DNAJB1: variants seen among roughly 807,000 people sequenced by gnomAD.
DNAJB1 encodes DnaJ heat shock protein family (Hsp40) member B1.
A neutral mutation model predicts 24.0 loss-of-function variants in DNAJB1; 14 were observed. The observed-to-expected ratio is 0.58, with a 90% CI of 0.39 to 0.91. DNAJB1 has a LOEUF of 0.91. Ranked by LOEUF, DNAJB1 falls within the 40% of genes least tolerant of loss-of-function variation. The probability of loss-of-function intolerance (pLI) is 0.00; values close to 1 mark genes in which losing one functional copy is unlikely to be tolerated. For missense variants in DNAJB1, 517 were observed against 458.1 expected, an observed-to-expected ratio of 1.13 and a Z score of -1.17; for synonymous variants, 262 against 174.4, an observed-to-expected ratio of 1.50 and a Z score of -3.96.
At chr19:14,541,232 C>G (rs1006969491) in intron 1 of DNAJB1, among the ~76,000 whole-genome samples, 5 of 152,230 alleles carry the variant, frequency 3.3e-5, no homozygotes, top group African/African-American at 1.2e-4. Context: ...CTGCCTCAGC[C>G]TCCCAAAGCT....
At chr19:14,547,323 C>T (rs1045149359) in intron 1 of DNAJB1, among the ~76,000 whole-genome samples, 1 of 151,622 alleles carries the variant, frequency 6.6e-6, no homozygotes, top group Non-Finnish European at 1.5e-5. Context: ...TAGTTACAGG[C>T]GTGAGCCACC....
chr19:14,558,692 T>TG (rs2073817009), intron 1 of DNAJB1, among the ~76,000 whole-genome samples: 1 of 152,170 alleles, frequency 6.6e-6, no homozygotes, highest in South Asian at 2.1e-4. Context: ...TGGCCAGTGC[T>TG]GGGACCTCGC....
intron 2 of DNAJB1, among the ~76,000 whole-genome samples, chr19:14,523,589 AG>A (rs773658680): frequency 4.3e-4 from 64 of 148,486 alleles, no homozygotes; most frequent in South Asian, 6.4e-4. Flanking sequence ...TGGGATTACA[AG>A]GGTTGAACCC....
At position 14,517,034 on chromosome 19, in the gene DNAJB1, C is replaced by T. The variant is rs1355201022; in HGVS notation, c.224G>A (p.Ser75Asn). The change falls in exon 2 of 3, where the codon AGT (serine) becomes AAT (asparagine). Residue 75 changes from serine to asparagine, a missense_variant. Transcript: ENST00000254322. The part of the protein sequence containing the change: ...DRYGEEGLKG[S>N]GPSGGSGGGA... ...ACCGCCGCTACCGCCACTGGGGCCACTCCCCTTTAGGCCTGAAAAGCAGAT... is the reference window on the plus strand; with the variant it reads ...ACCGCCGCTACCGCCACTGGGGCCATTCCCCTTTAGGCCTGAAAAGCAGAT... 11 of 1,609,400 alleles carry T rather than the reference C, an allele frequency of 6.8e-6. No homozygotes were observed. The highest frequency in any genetic ancestry group is 1.6e-4 in the Middle Eastern group (1 of 6,066).
In DNAJB1 at chr19:14,518,376, G is replaced by C; in HGVS notation, c.-27C>G. 2.0e-6 allele frequency: 3 copies of C among 1,525,846 alleles called. No homozygotes were observed. Among genetic ancestry groups the C allele is most frequent in the Non-Finnish European group, 2.6e-6 (3 of 1,146,666 alleles). 94.5% of individuals were successfully genotyped at this position (1,525,846 alleles called of 1,614,324 possible). ...ACCCCCTCCTGCGGCCCGCCGACCC[G>C]CTGTCGCCGTCCCCCGGCTCCGCCG... On this transcript the variant is annotated 5_prime_UTR_variant, in exon 1 of 3. Coordinates refer to ENST00000254322, the MANE Select transcript of DNAJB1 (RefSeq NM_006145.3).
At chr19:14,557,640 CG>C (rs1568422778) in intron 1 of DNAJB1, among the ~76,000 whole-genome samples, 1 of 150,974 alleles carries the variant, frequency 6.6e-6, no homozygotes, top group African/African-American at 2.4e-5. Context: ...TTGGTAGAGA[CG>C]GGGTTTCGCC....
chr19:14,543,163 C>T (rs1425508175), intron 1 of DNAJB1, among the ~76,000 whole-genome samples: 1 of 150,384 alleles, frequency 6.6e-6, no homozygotes, highest in East Asian at 2.0e-4. Context: ...GCTGAGCCTC[C>T]AGGCTCCTTG....
chr19:14,524,388 TG>T (rs2072394594), intron 2 of DNAJB1, among the ~76,000 whole-genome samples: 1 of 151,876 alleles, frequency 6.6e-6, no homozygotes, highest in South Asian at 2.1e-4. Context: ...AGAAATAAGC[TG>T]GGCATGGTGG....
rs556020113 is a variant in DNAJB1, at chr19:14,526,490, A to G, written c.-90+1236T>C. 8.5e-5 allele frequency among the ~76,000 whole-genome samples: 13 copies of G among 152,264 alleles called. No individual in the cohort carries two copies. The South Asian group carries it at 2.7e-3, about 32-fold the overall frequency. On this transcript the variant is annotated intron_variant, in intron 2 of 3. Coordinates refer to the DNAJB1 transcript ENST00000396969. ...CAACACCCCTCAAAAACAAAGAGGA[A>G]TTCTACTTTGGAGGCTGGATCTTGC... is the stretch of plus-strand genomic sequence containing the variant.
chr19:14,551,590 G>A (rs2073507793), upstream of DNAJB1, among the ~76,000 whole-genome samples: 1 of 152,124 alleles, frequency 6.6e-6, no homozygotes, highest in South Asian at 2.1e-4. Context: ...AGGCCCATTG[G>A]CTGTCTTAGC....
At chr19:14,550,096 A>G (rs950981896) in intron 1 of DNAJB1, among the ~76,000 whole-genome samples, 9 of 151,978 alleles carry the variant, frequency 5.9e-5, no homozygotes, top group Non-Finnish European at 8.8e-5. Flanking sequence ...CTTTGCCAAG[A>G]TGTGAGTTCC....
At chr19:14,534,726 C>T (rs183673471), upstream of DNAJB1, among the ~76,000 whole-genome samples, 11 of 152,166 alleles carry the variant, frequency 7.2e-5, no homozygotes, top group East Asian at 1.9e-4. Flanking sequence ...TGTGAGCCAC[C>T]GCACCTTGCC....
At chr19:14,521,288 G>C (rs760930925), upstream of DNAJB1, among the ~76,000 whole-genome samples, 14 of 151,746 alleles carry the variant, frequency 9.2e-5, no homozygotes, top group Non-Finnish European at 1.8e-4. Context: ...GTGAAACCCC[G>C]TCTCTACTAA....
At chr19:14,549,211 CTT>C (rs561284094) in intron 1 of DNAJB1, among the ~76,000 whole-genome samples, 3 of 111,150 alleles carry the variant, frequency 2.7e-5, no homozygotes, top group Non-Finnish European at 1.8e-5. Context: ...TTTAATTGGA[CTT>C]TTTTTTTTTT....
At chr19:14,522,269 C>T (rs2072368735), upstream of DNAJB1, among the ~76,000 whole-genome samples, 1 of 151,904 alleles carries the variant, frequency 6.6e-6, no homozygotes, top group Non-Finnish European at 1.5e-5. Context: ...AGGACATGAC[C>T]CTCAAGGATG....
intron 1 of DNAJB1, among the ~76,000 whole-genome samples, chr19:14,545,556 C>T (rs547896144): frequency 6.6e-6 from 1 of 152,330 alleles, no homozygotes; most frequent in East Asian, 1.9e-4. Flanking sequence ...CATATCCCGG[C>T]CCTTGGATCG....
chr19:14,532,009 G>GAAAAA (rs58672365), upstream of DNAJB1: 1 of 62,352 alleles, frequency 1.6e-5, no homozygotes, highest in Non-Finnish European at 3.6e-5. Flanking sequence ...CCTGTTTGAA[G>GAAAAA]AAAAAAAAAA....
intron 1 of DNAJB1, among the ~76,000 whole-genome samples, chr19:14,539,205 A>G (rs1274024357): frequency 7.5e-6 from 1 of 133,392 alleles, no homozygotes; most frequent in Non-Finnish European, 1.5e-5. Flanking sequence ...CGTGTTAGCC[A>G]GGATGGTCTC....
At chr19:14,557,748 G>A (rs931848101) in intron 1 of DNAJB1, among the ~76,000 whole-genome samples, 3 of 145,590 alleles carry the variant, frequency 2.1e-5, no homozygotes, top group African/African-American at 5.1e-5. Context: ...CACCGTGCCC[G>A]GTCATCATAT....
Sources: allele counts gnomAD v4.1 joint callset (sites outside exome capture counted in the v4.1 genomes callset), GRCh38; gene constraint gnomAD v4.1.1; transcripts MANE v1.5; gene names NCBI Gene and HGNC (gene_info 2026-07-23, HGNC 2026-07-21).